NLGN1: variants seen among roughly 807,000 people sequenced by gnomAD.
NLGN1 encodes neuroligin-1.
A neutral mutation model predicts 65.5 loss-of-function variants in NLGN1; 12 were observed. The observed-to-expected ratio is 0.18, with a 90% confidence interval of 0.12 to 0.30. The LOEUF (loss-of-function observed/expected upper bound fraction) is 0.30. Among genes scored for constraint, NLGN1 ranks in the 10% least tolerant of loss-of-function variants. The probability of loss-of-function intolerance (pLI) is 1.00; values close to 1 mark genes in which losing one functional copy is unlikely to be tolerated. For synonymous variants in NLGN1, 350 were observed against 359.5 expected (o/e 0.97, Z 0.30); for missense variants, 750 against 1,007.1 (o/e 0.74, Z 3.46).
At chr3:173,656,405 T>C (rs1436121259) in intron 3 of NLGN1, among the ~76,000 whole-genome samples, 1 of 152,090 alleles carries the variant, frequency 6.6e-6, no homozygotes, top group Admixed American at 6.6e-5. Context: ...GAAATAATAC[T>C]CTCTACAGAG....
chr3:173,566,450 T>G (rs1241736263), intron 2 of NLGN1, among the ~76,000 whole-genome samples: 1 of 152,198 alleles, frequency 6.6e-6, no homozygotes, highest in African/African-American at 2.4e-5. Flanking sequence ...AAATAATGCT[T>G]GCAAAATTTG....
intron 4 of NLGN1, among the ~76,000 whole-genome samples, chr3:174,260,960 G>A (rs1264955311): frequency 1.3e-5 from 2 of 151,062 alleles, no homozygotes; most frequent in African/African-American, 4.9e-5. Flanking sequence ...CCCATTGCTT[G>A]TTTTTCTCAG....
intron 4 of NLGN1, among the ~76,000 whole-genome samples, chr3:173,878,519 CTCAGAAAA>C (rs1456540509): frequency 1.3e-5 from 2 of 151,646 alleles, no homozygotes; most frequent in African/African-American, 4.8e-5. Flanking sequence ...GCTCGATTAT[CTCAGAAAA>C]AATACTGCTA....
chr3:173,745,561 A>T (rs1775239774), intron 3 of NLGN1, among the ~76,000 whole-genome samples: 1 of 152,028 alleles, frequency 6.6e-6, no homozygotes, highest in Non-Finnish European at 1.5e-5. Context: ...CAGTAATGAG[A>T]ATAGGGAGGA....
chr3:174,039,116 G>A (rs1560899238), intron 4 of NLGN1, among the ~76,000 whole-genome samples: 1 of 151,960 alleles, frequency 6.6e-6, no homozygotes, highest in Non-Finnish European at 1.5e-5. Context: ...AGACTCCTCG[G>A]GCATGAGAAA....
At chr3:173,954,935 C>T (rs992386914) in intron 4 of NLGN1, among the ~76,000 whole-genome samples, 3 of 151,752 alleles carry the variant, frequency 2.0e-5, no homozygotes, top group Non-Finnish European at 4.4e-5. Flanking sequence ...ATCAACAGGT[C>T]GTAGAGAGGG....
intron 4 of NLGN1, among the ~76,000 whole-genome samples, chr3:173,816,113 AATT>A (rs1718996279): frequency 2.0e-5 from 3 of 150,472 alleles, no homozygotes; most frequent in African/African-American, 7.3e-5. Flanking sequence ...ATCTATATCT[AATT>A]ATAATTGTCA....
chr3:173,743,722 C>T (rs774165198), intron 3 of NLGN1, among the ~76,000 whole-genome samples: 8 of 152,010 alleles, frequency 5.3e-5, no homozygotes, highest in South Asian at 4.1e-4. Flanking sequence ...TTGGACAGTT[C>T]GTTGGGGAGG....
intron 4 of NLGN1, among the ~76,000 whole-genome samples, chr3:174,211,959 C>T (rs189165800): frequency 0.013 from 1,911 of 152,308 alleles, 36 homozygotes; most frequent in African/African-American, 0.044. Context: ...GCCAGTCCCG[C>T]GCCATGCGCT....
At chr3:174,139,059 T>C (rs1007958046) in intron 4 of NLGN1, among the ~76,000 whole-genome samples, 1 of 152,246 alleles carries the variant, frequency 6.6e-6, no homozygotes, top group African/African-American at 2.4e-5. Context: ...TTAAAATCTA[T>C]GTTGTACTAA....
intron 1 of NLGN1, among the ~76,000 whole-genome samples, chr3:173,413,036 A>T (rs1025336704): frequency 4.6e-5 from 7 of 152,244 alleles, no homozygotes; most frequent in South Asian, 2.1e-4. Context: ...CTCCCTGGCG[A>T]TATTTATCCT....
intron 3 of NLGN1, among the ~76,000 whole-genome samples, chr3:173,694,177 T>A (rs1363600178): frequency 5.9e-5 from 9 of 152,136 alleles, no homozygotes; most frequent in Admixed American, 5.9e-4. Flanking sequence ...CTCTGTTTTT[T>A]TCTCTCTCTC....
intron 3 of NLGN1, among the ~76,000 whole-genome samples, chr3:173,639,053 G>C (rs943808910): frequency 6.6e-6 from 1 of 152,200 alleles, no homozygotes; most frequent in East Asian, 1.9e-4. Flanking sequence ...GAGCATAGGG[G>C]TGAGGAAGTT....
At chr3:174,181,375 T>C (rs1320001145) in intron 4 of NLGN1, among the ~76,000 whole-genome samples, 1 of 152,098 alleles carries the variant, frequency 6.6e-6, no homozygotes, top group African/African-American at 2.4e-5. Context: ...CTGAGAAGCA[T>C]TGTCCGATGC....
chr3:174,191,180 C>A (rs552727212), intron 4 of NLGN1, among the ~76,000 whole-genome samples: 1 of 152,232 alleles, frequency 6.6e-6, no homozygotes, highest in African/African-American at 2.4e-5. Context: ...TCAAAATCCA[C>A]TTTCAAGATT....
At chr3:173,718,106 C>T (rs977675005) in intron 3 of NLGN1, among the ~76,000 whole-genome samples, 1 of 151,996 alleles carries the variant, frequency 6.6e-6, no homozygotes, top group African/African-American at 2.4e-5. Context: ...TAGGGTATTT[C>T]GTATATCCAT....
chr3:173,434,450 A>G (rs1717736848), intron 1 of NLGN1, among the ~76,000 whole-genome samples: 1 of 152,218 alleles, frequency 6.6e-6, no homozygotes, highest in Admixed American at 6.5e-5. Flanking sequence ...TTTAGAGTGA[A>G]ACAATATTTG....
chr3:174,120,000 C>T (rs967240188), intron 4 of NLGN1, among the ~76,000 whole-genome samples: 1 of 152,040 alleles, frequency 6.6e-6, no homozygotes, highest in African/African-American at 2.4e-5. Flanking sequence ...GTTTGAAAAC[C>T]ACTGATATAG....
chr3:174,269,557 TTTTC>T lies in NLGN1; in HGVS notation c.647-5754_647-5751del, dbSNP rs1012256119. 3.9e-5 allele frequency among the ~76,000 whole-genome samples: 6 copies of T among 152,096 alleles called. No individual in the cohort carries two copies. In the South Asian group the frequency reaches 1.0e-3, roughly 26 times the overall value. On this transcript the variant is annotated intron_variant, in intron 4 of 6. Coordinates refer to ENST00000457714, the Ensembl canonical transcript of NLGN1. ...TACACAATATTCCATCATATGTATA[TTTTC>T]TTTATCTGTATTTTCTTTATACATT...
Sources: allele counts gnomAD v4.1 joint callset (sites outside exome capture counted in the v4.1 genomes callset), GRCh38; gene constraint gnomAD v4.1.1; transcripts MANE v1.5; gene names NCBI Gene and HGNC (gene_info 2026-07-23, HGNC 2026-07-21).